DNAJC21: variants seen among roughly 807,000 people sequenced by gnomAD.
The protein encoded by DNAJC21 is DnaJ heat shock protein family (Hsp40) member C21, also known as dnaJ homolog subfamily C member 21.
A neutral mutation model predicts 72.4 loss-of-function variants in DNAJC21; 63 were observed. That is an observed-to-expected ratio of 0.87 (90% CI 0.71 to 1.07). DNAJC21 has a LOEUF of 1.07. Among genes scored for constraint, DNAJC21 ranks in the 50% least tolerant of loss-of-function variants. The pLI is 0.00. For synonymous variants in DNAJC21, 203 were observed against 216.7 expected (o/e 0.94, Z 0.56); for missense variants, 634 against 644.8 (o/e 0.98, Z 0.18).
intron 7 of DNAJC21, among the ~76,000 whole-genome samples, chr5:34,942,012 C>T (rs981318470): frequency 6.6e-6 from 1 of 152,092 alleles, no homozygotes. Flanking sequence ...TGCCATTAAA[C>T]CTGTTGTACT....
intron 6 of DNAJC21, among the ~76,000 whole-genome samples, chr5:34,939,418 A>G (rs996378037): frequency 3.3e-5 from 5 of 152,078 alleles, no homozygotes; most frequent in African/African-American, 9.7e-5. Context: ...GGCGCCCGCC[A>G]CCGCGCCCGG....
rs1259351702 is a variant in DNAJC21, at chr5:34,938,670, T to C, written c.744-188T>C. ...TATCTACTACTGGAGCAATTAAAATTAACCATACAACAGGTAACAGGTTTA... is the reference window on the plus strand; with the variant it reads ...TATCTACTACTGGAGCAATTAAAATCAACCATACAACAGGTAACAGGTTTA... On this transcript the variant is annotated intron_variant, in intron 5 of 11. Coordinates refer to ENST00000648817, the MANE Select transcript of DNAJC21 (RefSeq NM_001012339.3). Among the ~76,000 whole-genome samples the C allele has an allele frequency of 2.0e-5, 3 of 152,232 alleles. No homozygotes were observed. In the East Asian group the frequency reaches 5.8e-4, roughly 29 times the overall value.
chr5:34,931,478 AGG>A (rs1016059594), intron 1 of DNAJC21, among the ~76,000 whole-genome samples: 10 of 152,232 alleles, frequency 6.6e-5, no homozygotes, highest in African/African-American at 2.4e-4. Context: ...TAGGTGGGAA[AGG>A]GTAAATGAAG....
chr5:34,949,800 A>G, intron 9 of DNAJC21: 1 of 1,497,332 alleles, frequency 6.7e-7, no homozygotes, highest in Non-Finnish European at 8.9e-7. Flanking sequence ...GAAAAGTATC[A>G]TCCTTAATTT....
chr5:34,934,478 G>A (rs2112026874), intron 2 of DNAJC21, among the ~76,000 whole-genome samples: 1 of 151,386 alleles, frequency 6.6e-6, no homozygotes, highest in South Asian at 2.1e-4. Context: ...CAATCCACCT[G>A]CCTTGACCTC....
In DNAJC21 at chr5:34,951,581, A is replaced by G. The variant is rs1054759823; in HGVS notation, c.1358+1239A>G. The G allele has an allele frequency of 4.1e-6, 4 of 979,662 alleles. No homozygotes were observed. The African/African-American group carries it at 5.4e-5, about 13-fold the overall frequency. The allele number at this position is 979,662 out of a possible 1,614,324, so 60.7% of individuals were successfully genotyped here. A position where few individuals can be genotyped will look rare whatever the true frequency, so the allele number is the denominator to read the frequency against. On this transcript the variant is annotated intron_variant, in intron 10 of 11. Coordinates refer to ENST00000648817, the MANE Select transcript of DNAJC21 (RefSeq NM_001012339.3). ...CTCGCTCTGTTGCCCAGGCTGGAGT[A>G]CAGTGGCGCAACCTCGGCTCACTGC...
At chr5:34,943,574 A>G (rs1352578278) in intron 7 of DNAJC21, among the ~76,000 whole-genome samples, 2 of 152,166 alleles carry the variant, frequency 1.3e-5, no homozygotes, top group African/African-American at 4.8e-5. Flanking sequence ...CCCTTGTAAC[A>G]TGTTTAATCT....
Position 34,950,229 on chromosome 5 carries a change from A to G in DNAJC21, c.1245A>G (p.Glu415=), listed in dbSNP as rs143510769. The change falls in exon 10 of 12, where the codon GAA becomes GAG. Residue 415 remains glutamate (E), a synonymous_variant. Transcript: ENST00000648817. ...GPGEGVKVDP[E]DTNLNQDSAK... is the part of the protein sequence containing the mutation. ...GAGAAGGAGTAAAGGTTGATCCAGA[A>G]GATACTAACTTAAATCAAGACAGTG... 379 of 1,613,882 alleles carry G rather than the reference A, an allele frequency of 2.3e-4. No homozygotes were observed. The African/African-American group carries it at 4.1e-3, about 17-fold the overall frequency.
chr5:34,944,752 C>T, intron 7 of DNAJC21, 115 bp from the exon 8 acceptor site: 13 of 1,332,844 alleles, frequency 9.8e-6, no homozygotes, highest in South Asian at 5.3e-5. Flanking sequence ...GAATCAGAAA[C>T]GTTTTGCTTA....
Position 34,931,865 on chromosome 5 carries a change from A to G in DNAJC21, c.97+1949A>G, listed in dbSNP as rs115650021. Reference sequence around the variant, plus strand: ...CAGATTTGGTGATTAATTAGAAATCAGTGCTAGGAAGAAGCATGCAAATAT... The same window carrying G: ...CAGATTTGGTGATTAATTAGAAATCGGTGCTAGGAAGAAGCATGCAAATAT... On this transcript the variant is annotated intron_variant, in intron 1 of 11. Coordinates refer to ENST00000648817, the MANE Select transcript of DNAJC21 (RefSeq NM_001012339.3). Among the ~76,000 whole-genome samples, 72 of 152,356 alleles carry G rather than the reference A, an allele frequency of 4.7e-4. No individual in the cohort carries two copies. In the South Asian group the frequency reaches 0.014, roughly 29 times the overall value.
At position 34,955,578 on chromosome 5, in the gene DNAJC21, C is replaced by CT. The variant is rs756386508; in HGVS notation, c.*867dup. On this transcript the variant is annotated 3_prime_UTR_variant, in exon 12 of 12. Coordinates refer to ENST00000648817, the MANE Select transcript of DNAJC21 (RefSeq NM_001012339.3). The stretch of plus-strand genomic sequence containing the variant: ...TTTTCCATCACTCAGTGGAGAAAAG[C>CT]TTTGTTAATGAAAGATTTTGTGATA... 7 of 150,654 alleles carry CT rather than the reference C, an allele frequency of 4.6e-5. No homozygotes were observed. The highest frequency in any genetic ancestry group is 1.0e-4 in the Non-Finnish European group (7 of 67,866). The allele number at this position is 150,654 out of a possible 1,614,324, so 9.3% of individuals were successfully genotyped here.
chr5:34,948,669 A>C (rs1441549003), intron 9 of DNAJC21, among the ~76,000 whole-genome samples: 1 of 152,232 alleles, frequency 6.6e-6, no homozygotes, highest in Non-Finnish European at 1.5e-5. Flanking sequence ...GTTCAAGATC[A>C]GCTTGGCCAA....
At chr5:34,946,663 A>T (rs1489647252) in intron 9 of DNAJC21, among the ~76,000 whole-genome samples, 1 of 152,166 alleles carries the variant, frequency 6.6e-6, no homozygotes, top group Admixed American at 6.5e-5. Context: ...CATAGCAAAT[A>T]TGTGTTCTTT....
intron 10 of DNAJC21, chr5:34,951,294 C>G: frequency 2.0e-6 from 2 of 985,416 alleles, no homozygotes; most frequent in Non-Finnish European, 2.4e-6. Flanking sequence ...TGTTTGTTCC[C>G]TTTCTACAAA....
intron 6 of DNAJC21, among the ~76,000 whole-genome samples, chr5:34,939,324 G>GGC (rs1764908379): frequency 1.3e-5 from 2 of 151,918 alleles, no homozygotes; most frequent in African/African-American, 4.8e-5. Context: ...GGACTGCAGT[G>GGC]GCGCAATCTC....
rs1765561828 is a variant in DNAJC21, at chr5:34,957,180, C to G, written c.*2466C>G. On this transcript the variant is annotated 3_prime_UTR_variant, in exon 12 of 12. Transcript: ENST00000648817. ...ATTGCAGACATTTAATTTCACTTGT[C>G]TGAGGTAAAACAATAAACTAAAATA... The G allele has an allele frequency of 6.6e-6, 1 of 152,100 alleles. No homozygotes were observed. The highest frequency in any genetic ancestry group is 2.4e-5 in the African/African-American group (1 of 41,428). The allele number at this position is 152,100 out of a possible 1,614,324, so 9.4% of individuals were successfully genotyped here.
chr5:34,930,874 A>C (rs1369799997), intron 1 of DNAJC21, among the ~76,000 whole-genome samples: 1 of 152,250 alleles, frequency 6.6e-6, no homozygotes, highest in Non-Finnish European at 1.5e-5. Flanking sequence ...CCAGAAAAAA[A>C]TCGCAACATA....
At chr5:34,939,077 T>A in intron 6 of DNAJC21, 68 bp downstream of exon 6, 1 of 1,363,062 alleles carries the variant, frequency 7.3e-7, no homozygotes, top group Non-Finnish European at 9.8e-7. Context: ...CCTTGCTTAT[T>A]TGACATCTCC....
intron 9 of DNAJC21, chr5:34,949,644 CA>C: frequency 6.2e-7 from 1 of 1,612,986 alleles, no homozygotes; most frequent in Non-Finnish European, 8.5e-7. Context: ...AGAGCGAGCA[CA>C]AATGTGCCAA....
Sources: allele counts gnomAD v4.1 joint callset (sites outside exome capture counted in the v4.1 genomes callset), GRCh38; gene constraint gnomAD v4.1.1; transcripts MANE v1.5; gene names NCBI Gene and HGNC (gene_info 2026-07-23, HGNC 2026-07-21).